The following PAFAH1B1 variants were observed in gnomAD, a reference collection of about 807,000 sequenced individuals.
The protein encoded by PAFAH1B1 is platelet activating factor acetylhydrolase 1b regulatory subunit 1, also known as platelet-activating factor acetylhydrolase IB subunit beta.
In PAFAH1B1, 2 loss-of-function variants were observed where a neutral mutation model predicts 57.5. That is an observed-to-expected ratio of 0.03 (90% CI 0.01 to 0.11). The LOEUF (loss-of-function observed/expected upper bound fraction) is 0.11, where lower values mean the gene tolerates loss of function less well. Among genes scored for constraint, PAFAH1B1 ranks in the 10% least tolerant of loss-of-function variants. PAFAH1B1 has a pLI of 1.00. For synonymous variants in PAFAH1B1, 152 were observed against 169.6 expected (o/e 0.90, Z 0.81); for missense variants, 257 against 512.0 (o/e 0.50, Z 4.81).
chr17:2,625,412 C>G (rs1297279971), intron 1 of PAFAH1B1, among the ~76,000 whole-genome samples: 2 of 152,118 alleles, frequency 1.3e-5, no homozygotes, highest in African/African-American at 4.8e-5. Context: ...AAAATACATG[C>G]AATATTTTGT....
intron 2 of PAFAH1B1, among the ~76,000 whole-genome samples, chr17:2,654,730 C>T (rs887840799): frequency 6.6e-6 from 1 of 152,148 alleles, no homozygotes; most frequent in Non-Finnish European, 1.5e-5. Context: ...CAGCCTCCGC[C>T]TCCCGGGCTC....
rs537966884 is a variant in PAFAH1B1 at position 2,611,515 on chromosome 17, C to G, written c.-191+17509C>G. Among the ~76,000 whole-genome samples the G allele has an allele frequency of 4.5e-4, 68 of 151,732 alleles. No homozygotes were observed. In the South Asian group the frequency reaches 0.014, roughly 32 times the overall value. The stretch of plus-strand genomic sequence containing the variant: ...AAAGAAAGAAATACAGAAAAGGGGT[C>G]CAGGACACAGCTGTGTTTTATATTG... On this transcript the variant is annotated intron_variant, in intron 1 of 10. Transcript: ENST00000397195.
chr17:2,670,041 A>G lies in PAFAH1B1; in HGVS notation c.400-122A>G, dbSNP rs2069159084. ...GAGATACAATATTTCTAAAATAGTT[A>G]TCCTTTGTTACTTGTTCGGTTAGTT... On this transcript the variant is annotated intron_variant, in intron 5 of 10. Transcript: ENST00000397195. 4.5e-5 allele frequency: 37 copies of G among 818,202 alleles called. No homozygotes were observed. The South Asian group carries it at 5.1e-4, about 11-fold the overall frequency. 50.7% of individuals were successfully genotyped at this position (818,202 alleles called of 1,614,324 possible). A position where few individuals can be genotyped will look rare whatever the true frequency, so the allele number is the denominator to read the frequency against.
rs1372172636 is a variant in PAFAH1B1, at chr17:2,684,332, C to G, written c.*2530C>G. ...TTTCTGACTGTGTTCTCTGTTTTCT[C>G]TGTCTGCTGTCTAACCCTGTGCCTT... On this transcript the variant is annotated 3_prime_UTR_variant, in exon 11 of 11. Transcript: ENST00000397195. 1 of 152,788 alleles carries G rather than the reference C, an allele frequency of 6.5e-6. No individual in the cohort carries two copies. Among genetic ancestry groups the G allele is most frequent in the African/African-American group, 2.4e-5 (1 of 41,468 alleles). The allele number at this position is 152,788 out of a possible 1,614,324, so 9.5% of individuals were successfully genotyped here.
At chr17:2,595,203 G>C (rs1019892481) in intron 1 of PAFAH1B1, among the ~76,000 whole-genome samples, 3 of 152,108 alleles carry the variant, frequency 2.0e-5, no homozygotes, top group African/African-American at 7.2e-5. Context: ...AGATATTACT[G>C]ATATTCCCAT....
intron 2 of PAFAH1B1, chr17:2,640,670 C>G (rs2068684645): frequency 6.6e-6 from 1 of 151,842 alleles, no homozygotes. Flanking sequence ...CCAGACTGGT[C>G]TCAAACTCCT....
intron 1 of PAFAH1B1, among the ~76,000 whole-genome samples, chr17:2,622,621 G>A (rs977199219): frequency 2.6e-5 from 4 of 152,100 alleles, no homozygotes; most frequent in Non-Finnish European, 4.4e-5. Flanking sequence ...TGCTTTCACC[G>A]GCTGGCCTTG....
intron 1 of PAFAH1B1, among the ~76,000 whole-genome samples, chr17:2,633,898 C>T (rs1488336958): frequency 1.3e-5 from 2 of 151,456 alleles, no homozygotes; most frequent in African/African-American, 4.9e-5. Flanking sequence ...TGCACAGTCT[C>T]CATGGGTAAT....
intron 2 of PAFAH1B1, among the ~76,000 whole-genome samples, chr17:2,649,862 ATAGGT>A (rs1243559850): frequency 2.6e-5 from 4 of 152,204 alleles, no homozygotes; most frequent in African/African-American, 4.8e-5. Context: ...GAATAGACAA[ATAGGT>A]TAGGGGAACA....
chr17:2,669,393 C>A (rs573767524), intron 5 of PAFAH1B1, among the ~76,000 whole-genome samples: 2 of 151,818 alleles, frequency 1.3e-5, no homozygotes, highest in African/African-American at 4.8e-5. Context: ...TCCCGAGTAG[C>A]CGGGAGTACA....
intron 6 of PAFAH1B1, among the ~76,000 whole-genome samples, chr17:2,672,346 C>T (rs1439827758): frequency 1.4e-5 from 2 of 146,258 alleles, no homozygotes; most frequent in Non-Finnish European, 3.0e-5. Flanking sequence ...AACATTCAGA[C>T]TCACTGAGGT....
chr17:2,640,870 AGATGATT>A (rs2068686710), intron 2 of PAFAH1B1: 1 of 152,156 alleles, frequency 6.6e-6, no homozygotes, highest in Non-Finnish European at 1.5e-5. Context: ...TCCTCAACCA[AGATGATT>A]GATTTTTTCA....
Position 2,593,685 on chromosome 17 carries a change from A to T in PAFAH1B1, c.-512A>T. On this transcript the variant is annotated 5_prime_UTR_variant, in exon 1 of 11. Coordinates refer to ENST00000397195, the MANE Select transcript of PAFAH1B1 (RefSeq NM_000430.4). ...AGCTGGAGCGGCGGGGCGGCGGCGG[A>T]GTCCGGCGGCCGGGAGAGCGAGTGA... is the stretch of plus-strand genomic sequence containing the variant. The T allele has an allele frequency of 4.8e-6, 1 of 209,562 alleles. No individual in the cohort carries two copies. 13.0% of individuals were successfully genotyped at this position (209,562 alleles called of 1,614,324 possible). A position where few individuals can be genotyped will look rare whatever the true frequency, so the allele number is the denominator to read the frequency against.
At chr17:2,645,607 T>TA (rs2068757178) in intron 2 of PAFAH1B1, among the ~76,000 whole-genome samples, 1 of 141,664 alleles carries the variant, frequency 7.1e-6, no homozygotes, top group East Asian at 2.1e-4. Context: ...ATATATATAT[T>TA]TATATATATA....
chr17:2,677,607 C>T (rs778635745), intron 9 of PAFAH1B1, among the ~76,000 whole-genome samples: 9 of 152,196 alleles, frequency 5.9e-5, no homozygotes, highest in Non-Finnish European at 1.2e-4. Context: ...GTAATCCCCG[C>T]ACTTTGGGAG....
In PAFAH1B1 at chr17:2,627,974, T is replaced by A. The variant is rs997362601; in HGVS notation, c.-190-10125T>A. 2.0e-5 allele frequency among the ~76,000 whole-genome samples: 3 copies of A among 152,346 alleles called. No homozygotes were observed. In the East Asian group the frequency reaches 5.8e-4, roughly 29 times the overall value. On this transcript the variant is annotated intron_variant, in intron 1 of 10. Coordinates refer to ENST00000397195, the MANE Select transcript of PAFAH1B1 (RefSeq NM_000430.4). ...ATTCTTTTATCAGTTCTAGGAGCTATCTGAGGAGTCTTTAGGGTTTTCAAG... is the reference window on the plus strand; with the variant it reads ...ATTCTTTTATCAGTTCTAGGAGCTAACTGAGGAGTCTTTAGGGTTTTCAAG...
intron 1 of PAFAH1B1, among the ~76,000 whole-genome samples, chr17:2,618,660 A>C (rs762171570): frequency 2.6e-5 from 4 of 151,612 alleles, no homozygotes; most frequent in Non-Finnish European, 5.9e-5. Flanking sequence ...TTTTTTATTT[A>C]TTTTGAGACA....
chr17:2,664,665 G>GCGCTCTCTCTCT lies in PAFAH1B1; in HGVS notation c.33-706_33-705insGCTCTCTCTCTC. 1.6e-3 allele frequency among the ~76,000 whole-genome samples: 135 copies of GCGCTCTCTCTCT among 86,068 alleles called. 3 individuals are homozygous for GCGCTCTCTCTCT. The highest frequency in any genetic ancestry group is 6.8e-3 in the Middle Eastern group (1 of 148). 56.5% of individuals were successfully genotyped at this position (86,068 alleles called of 152,430 possible). On this transcript the variant is annotated intron_variant, in intron 2 of 10. Transcript: ENST00000397195. ...TGATATATATCTATATCTATCTATC[G>GCGCTCTCTCTCT]CTCTCTCTCTCTCTCTCTCTCTCTC...
chr17:2,667,646 A>G, intron 5 of PAFAH1B1: 1 of 202,314 alleles, frequency 4.9e-6, no homozygotes, highest in Non-Finnish European at 1.0e-5. Context: ...TGAAATACTG[A>G]TTGACAAAAC....
Sources: allele counts gnomAD v4.1 joint callset (sites outside exome capture counted in the v4.1 genomes callset), GRCh38; gene constraint gnomAD v4.1.1; transcripts MANE v1.5; gene names NCBI Gene and HGNC (gene_info 2026-07-23, HGNC 2026-07-21).